KCNK10: variants seen among roughly 807,000 people sequenced by gnomAD.
KCNK10 encodes potassium two pore domain channel subfamily K member 10.
A neutral mutation model predicts 47.7 loss-of-function variants in KCNK10; 25 were observed. The observed-to-expected ratio is 0.52, with a 90% confidence interval of 0.38 to 0.73. The LOEUF is 0.73. Among genes scored for constraint, KCNK10 ranks in the 30% least tolerant of loss-of-function variants. The pLI, the probability that KCNK10 is intolerant of heterozygous loss-of-function variation, is 0.00. For missense variants in KCNK10, 563 were observed against 714.5 expected (o/e 0.79, Z 2.42); for synonymous variants, 303 against 285.6 (o/e 1.06, Z -0.61).
intron 2 of KCNK10, among the ~76,000 whole-genome samples, chr14:88,253,909 G>C (rs1886869822): frequency 1.3e-5 from 2 of 152,162 alleles, no homozygotes; most frequent in African/African-American, 4.8e-5. Context: ...GGGGCAGAGA[G>C]GGGAAGCCCA....
At chr14:88,225,219 T>C (rs886520770) in intron 4 of KCNK10, among the ~76,000 whole-genome samples, 1 of 152,256 alleles carries the variant, frequency 6.6e-6, no homozygotes, top group African/African-American at 2.4e-5. Flanking sequence ...GTTGTTCGTA[T>C]ATTTAGGAAG....
chr14:88,207,163 ACT>A (rs1212534718), intron 4 of KCNK10, among the ~76,000 whole-genome samples: 1 of 137,772 alleles, frequency 7.3e-6, no homozygotes, highest in African/African-American at 2.8e-5. Context: ...TTTCAAGGTC[ACT>A]CTCTTTTTTT....
intron 2 of KCNK10, among the ~76,000 whole-genome samples, chr14:88,247,084 C>A (rs1398416336): frequency 6.6e-6 from 1 of 152,156 alleles, no homozygotes. Flanking sequence ...GCAAAGCTAG[C>A]AAACAATGCT....
intron 1 of KCNK10, among the ~76,000 whole-genome samples, chr14:88,291,926 G>A (rs1887888190): frequency 6.6e-6 from 1 of 152,142 alleles, no homozygotes; most frequent in South Asian, 2.1e-4. Flanking sequence ...TCCCCAAGAA[G>A]TCCATCCACT....
chr14:88,283,407 G>A (rs191472002), intron 1 of KCNK10, among the ~76,000 whole-genome samples: 25 of 152,256 alleles, frequency 1.6e-4, no homozygotes, highest in African/African-American at 4.1e-4. Flanking sequence ...CAGATTTGCC[G>A]GTAGAAAAGA....
intron 1 of KCNK10, among the ~76,000 whole-genome samples, chr14:88,286,735 T>C (rs533831075): frequency 1.3e-5 from 2 of 152,260 alleles, no homozygotes; most frequent in South Asian, 4.1e-4. Context: ...GAAAACCCCT[T>C]ATAAAACCAT....
At position 88,302,034 on chromosome 14, in the gene KCNK10, G is replaced by A. The variant is rs904357774; in HGVS notation, c.52+20713C>T. 3.3e-5 allele frequency among the ~76,000 whole-genome samples: 5 copies of A among 152,312 alleles called. No homozygotes were observed. The East Asian group carries it at 7.7e-4, about 24-fold the overall frequency. ...AATGAGGGTGGCAGGAGCAGAAATGGAGAGAAACAAACAGATTCTGGATGT... is the reference window on the plus strand; with the variant it reads ...AATGAGGGTGGCAGGAGCAGAAATGAAGAGAAACAAACAGATTCTGGATGT... On this transcript the variant is annotated intron_variant, in intron 1 of 6. Coordinates refer to ENST00000319231, the MANE Select transcript of KCNK10 (RefSeq NM_138317.3).
chr14:88,293,535 C>G (rs1887922166), intron 1 of KCNK10, among the ~76,000 whole-genome samples: 1 of 152,072 alleles, frequency 6.6e-6, no homozygotes, highest in Admixed American at 6.6e-5. Context: ...GATTCCATCT[C>G]CAAACTAGAA....
chr14:88,205,311 T>C (rs1338605129), intron 4 of KCNK10, among the ~76,000 whole-genome samples: 1 of 152,178 alleles, frequency 6.6e-6, no homozygotes, highest in Non-Finnish European at 1.5e-5. Context: ...GTCAGACTCC[T>C]GTTCATTCCT....
chr14:88,222,414 G>A (rs1045735703), intron 4 of KCNK10, among the ~76,000 whole-genome samples: 7 of 152,176 alleles, frequency 4.6e-5, no homozygotes, highest in African/African-American at 1.7e-4. Flanking sequence ...TGAACAAGCA[G>A]GGTACAGAGG....
intron 1 of KCNK10, among the ~76,000 whole-genome samples, chr14:88,283,223 G>A (rs1358056149): frequency 6.6e-6 from 1 of 152,040 alleles, no homozygotes; most frequent in African/African-American, 2.4e-5. Flanking sequence ...ACTCTTTCTG[G>A]GACACATTTA....
chr14:88,222,071 GC>G (rs1222727576), intron 4 of KCNK10, among the ~76,000 whole-genome samples: 1 of 152,178 alleles, frequency 6.6e-6, no homozygotes, highest in African/African-American at 2.4e-5. Flanking sequence ...GTTCCACATG[GC>G]TGGGGAGGCC....
chr14:88,186,432 C>T lies in KCNK10; in HGVS notation c.1012-277G>A, dbSNP rs548261023. Among the ~76,000 whole-genome samples the T allele has an allele frequency of 1.3e-3, 192 of 151,746 alleles. No homozygotes were observed. The highest frequency in any genetic ancestry group is 4.3e-3 in the African/African-American group (175 of 41,100). ...AGATGGTGACTTAAAGAGAGGGGGACGGCATCCTGCAGGAGAGGTTAAAAT... is the reference window on the plus strand; with the variant it reads ...AGATGGTGACTTAAAGAGAGGGGGATGGCATCCTGCAGGAGAGGTTAAAAT... On this transcript the variant is annotated intron_variant, in intron 6 of 6. Coordinates refer to ENST00000319231, the MANE Select transcript of KCNK10 (RefSeq NM_138317.3). The surrounding 1 kb of genome is among the most constrained non-coding windows in gnomAD (Gnocchi z 5.5).
At chr14:88,211,296 G>A (rs965481332) in intron 4 of KCNK10, among the ~76,000 whole-genome samples, 3 of 152,174 alleles carry the variant, frequency 2.0e-5, no homozygotes, top group East Asian at 1.9e-4. Flanking sequence ...TGAGGTTCCC[G>A]GAGTGGTGAA....
chr14:88,284,703 G>A (rs1461675745), intron 1 of KCNK10, among the ~76,000 whole-genome samples: 1 of 152,102 alleles, frequency 6.6e-6, no homozygotes, highest in East Asian at 1.9e-4. Flanking sequence ...TGGCAGCCAA[G>A]GGGATGGTGC....
At chr14:88,251,495 C>CG (rs1347758323) in intron 2 of KCNK10, among the ~76,000 whole-genome samples, 1 of 152,082 alleles carries the variant, frequency 6.6e-6, no homozygotes, top group Admixed American at 6.6e-5. Context: ...AGGCTTCCCC[C>CG]AAGAGTTGAG....
intron 1 of KCNK10, among the ~76,000 whole-genome samples, chr14:88,275,611 G>A (rs1887509930): frequency 6.6e-6 from 1 of 151,100 alleles, no homozygotes; most frequent in South Asian, 2.1e-4. Flanking sequence ...CACTTTGTGA[G>A]GCCGAGGCAG....
chr14:88,182,865 G>C lies in KCNK10; in HGVS notation c.*2670C>G, dbSNP rs1884416077. 1 of 152,350 alleles carries C rather than the reference G, an allele frequency of 6.6e-6. No individual in the cohort carries two copies. Among genetic ancestry groups the C allele is most frequent in the Non-Finnish European group, 1.5e-5 (1 of 68,040 alleles). 9.4% of individuals were successfully genotyped at this position (152,350 alleles called of 1,614,324 possible). On this transcript the variant is annotated 3_prime_UTR_variant, in exon 7 of 7. Transcript: ENST00000319231. ...TAAAGTGCAAAAGAGTGCTTTCAAA[G>C]GGCATTTTTTAAAGGGTGCCACATA... is the stretch of plus-strand genomic sequence containing the variant.
intron 1 of KCNK10, among the ~76,000 whole-genome samples, chr14:88,266,014 C>A (rs1408417959): frequency 1.3e-5 from 2 of 152,182 alleles, no homozygotes; most frequent in East Asian, 3.9e-4. Context: ...CCTTGCCCAG[C>A]ACTCACTGTG....
Sources: gnomAD v4.1 joint callset for allele counts (sites outside exome capture counted in the v4.1 genomes callset) on GRCh38, gnomAD v4.1.1 for gene constraint, Gnocchi (gnomAD v3.1) non-coding constraint, MANE v1.5 for transcripts, NCBI Gene and HGNC (gene_info 2026-07-23, HGNC 2026-07-21) for gene names.